Variants in OSTN observed in about 807,000 individuals in gnomAD.
The protein encoded by OSTN is osteocrin.
Under a neutral mutation model 12.0 loss-of-function variants are expected in OSTN, and 9 were observed. The ratio of observed to expected loss-of-function variants is 0.75; its 90% CI spans 0.45 to 1.30. The LOEUF (loss-of-function observed/expected upper bound fraction) is 1.30. OSTN is among the 50% of genes most tolerant of loss of function. The probability of loss-of-function intolerance (pLI) is 0.00; values close to 1 mark genes in which losing one functional copy is unlikely to be tolerated. For missense variants in OSTN, 148 were observed against 152.3 expected (o/e 0.97, Z 0.15); for synonymous variants, 59 against 56.9 (o/e 1.04, Z -0.16).
intron 1 of OSTN, among the ~76,000 whole-genome samples, chr3:191,204,153 G>A (rs1714217049): frequency 1.3e-5 from 2 of 152,140 alleles, no homozygotes; most frequent in Admixed American, 1.3e-4. Flanking sequence ...GCATCCCAAA[G>A]TGCTGGGATC....
chr3:191,255,872 T>G (rs2108555078), intron 4 of OSTN, among the ~76,000 whole-genome samples: 1 of 152,216 alleles, frequency 6.6e-6, no homozygotes, highest in South Asian at 2.1e-4. Context: ...TGCATCAGCT[T>G]TTTAATTAGA....
chr3:191,230,628 A>G (rs1464365404), intron 3 of OSTN, among the ~76,000 whole-genome samples: 4 of 151,924 alleles, frequency 2.6e-5, no homozygotes, highest in Middle Eastern at 3.5e-3. Context: ...AGAACTCACT[A>G]TCAGGTGATA....
chr3:191,259,524 T>C (rs1715755320), intron 4 of OSTN, among the ~76,000 whole-genome samples: 1 of 151,134 alleles, frequency 6.6e-6, no homozygotes, highest in African/African-American at 2.4e-5. Flanking sequence ...CAAAATACAC[T>C]CCCTGGTAAA....
At chr3:191,229,466 C>T (rs115594722) in intron 3 of OSTN, among the ~76,000 whole-genome samples, 1 of 152,032 alleles carries the variant, frequency 6.6e-6, no homozygotes, top group African/African-American at 2.4e-5. Flanking sequence ...GGGAGTGGAA[C>T]GGATGAAGTA....
chr3:191,219,312 G>A (rs891243117), intron 3 of OSTN, among the ~76,000 whole-genome samples: 1 of 152,188 alleles, frequency 6.6e-6, no homozygotes, highest in Non-Finnish European at 1.5e-5. Context: ...CCATTTACTA[G>A]AGGTAACAGG....
At chr3:191,261,207 G>A (rs1352549593) in intron 4 of OSTN, among the ~76,000 whole-genome samples, 1 of 152,156 alleles carries the variant, frequency 6.6e-6, no homozygotes, top group Non-Finnish European at 1.5e-5. Flanking sequence ...AAGGTTTGCC[G>A]AAAATCACTG....
chr3:191,231,738 T>C (rs1393409756), intron 3 of OSTN, among the ~76,000 whole-genome samples: 3 of 152,180 alleles, frequency 2.0e-5, no homozygotes, highest in Non-Finnish European at 4.4e-5. Flanking sequence ...TAAGAGAAGG[T>C]AATACATCTG....
In OSTN at chr3:191,224,541, AAT is replaced by A. The variant is rs532265242; in HGVS notation, c.317+5584_317+5585del. ...TGAACTTTGGACTACAATAATAGAG[AAT>A]ATAACTTATTTTCCAGTGAATATGG... On this transcript the variant is annotated intron_variant, in intron 3 of 4. Transcript: ENST00000682035. Among the ~76,000 whole-genome samples, 207 of 152,290 alleles carry A rather than the reference AAT, an allele frequency of 1.4e-3. 1 individual carries two copies. Among genetic ancestry groups the A allele is most frequent in the African/African-American group, 4.8e-3 (198 of 41,566 alleles).
intron 1 of OSTN, among the ~76,000 whole-genome samples, chr3:191,204,609 C>A (rs1016369514): frequency 6.6e-6 from 1 of 152,220 alleles, no homozygotes; most frequent in Non-Finnish European, 1.5e-5. Flanking sequence ...AAAAAAGAGA[C>A]CGCAATGGCT....
At chr3:191,251,079 A>G (rs1400917918) in intron 4 of OSTN, among the ~76,000 whole-genome samples, 3 of 152,192 alleles carry the variant, frequency 2.0e-5, no homozygotes, top group Non-Finnish European at 2.9e-5. Flanking sequence ...TGTCCTGAGG[A>G]TTAAATAGAT....
intron 1 of OSTN, among the ~76,000 whole-genome samples, chr3:191,206,047 C>G (rs1714266254): frequency 6.6e-6 from 1 of 151,970 alleles, no homozygotes; most frequent in Non-Finnish European, 1.5e-5. Flanking sequence ...TAGCCAGACA[C>G]GGTGGCAGGG....
At chr3:191,261,668 A>T (rs1715813281) in intron 4 of OSTN, among the ~76,000 whole-genome samples, 1 of 152,226 alleles carries the variant, frequency 6.6e-6, no homozygotes, top group African/African-American at 2.4e-5. Flanking sequence ...GATTTCCATC[A>T]CTAGTTACCA....
intron 3 of OSTN, among the ~76,000 whole-genome samples, chr3:191,222,373 G>C (rs1006125442): frequency 2.6e-5 from 4 of 152,056 alleles, no homozygotes; most frequent in African/African-American, 9.6e-5. Context: ...TGAAGTCAAA[G>C]GAGATTAATT....
At chr3:191,244,883 T>C (rs1715395949) in intron 3 of OSTN, among the ~76,000 whole-genome samples, 1 of 152,002 alleles carries the variant, frequency 6.6e-6, no homozygotes, top group African/African-American at 2.4e-5. Flanking sequence ...TTTGATAAGA[T>C]GAATCAAAGT....
chr3:191,230,907 C>G (rs1486507345), intron 3 of OSTN, among the ~76,000 whole-genome samples: 1 of 152,192 alleles, frequency 6.6e-6, no homozygotes, highest in East Asian at 1.9e-4. Flanking sequence ...ACCTTCACCT[C>G]CAACTATTTC....
rs1049845473 is a variant in OSTN, at chr3:191,262,865, G to C, written c.*13-1G>C. On this transcript the variant is annotated splice_acceptor_variant, in intron 4 of 4. Transcript: ENST00000682035. LOFTEE classifies it low-confidence loss of function (3UTR_SPLICE). The stretch of plus-strand genomic sequence containing the variant: ...AACAATCTCAACTTTCGTTTTTGCA[G>C]ATGCAACTTCCTTGGGTGAAATGTC... 1.0e-5 allele frequency: 7 copies of C among 702,048 alleles called. No individual in the cohort carries two copies. The African/African-American group carries it at 1.2e-4, about 12-fold the overall frequency. The allele number at this position is 702,048 out of a possible 1,614,324, so 43.5% of individuals were successfully genotyped here.
At chr3:191,222,975 G>T (rs1254327475) in intron 3 of OSTN, among the ~76,000 whole-genome samples, 1 of 151,948 alleles carries the variant, frequency 6.6e-6, no homozygotes, top group Non-Finnish European at 1.5e-5. Flanking sequence ...AGTTTCCTGA[G>T]GCTTCCCCAG....
At chr3:191,208,982 A>G (rs1192255320) in intron 1 of OSTN, among the ~76,000 whole-genome samples, 2 of 151,892 alleles carry the variant, frequency 1.3e-5, no homozygotes, top group African/African-American at 4.8e-5. Context: ...ACATAGAGAA[A>G]CTCTGTCTCT....
chr3:191,217,063 G>T (rs2108531629), intron 2 of OSTN: 1 of 152,342 alleles, frequency 6.6e-6, no homozygotes, highest in East Asian at 1.9e-4. Flanking sequence ...AGGTTTAATT[G>T]ACTTACAGTT....
Sources: gnomAD v4.1 joint callset for allele counts (sites outside exome capture counted in the v4.1 genomes callset) on GRCh38, gnomAD v4.1.1 for gene constraint, MANE v1.5 for transcripts, NCBI Gene and HGNC (gene_info 2026-07-23, HGNC 2026-07-21) for gene names.